The following ACVR1 variants were observed in gnomAD, a reference collection of about 807,000 sequenced individuals.
ACVR1 encodes the protein activin A receptor type 1.
ACVR1 carries 38 observed loss-of-function variants against 57.1 expected under a neutral mutation model. That is an observed-to-expected ratio of 0.67 (90% CI 0.51 to 0.87). ACVR1 has a LOEUF of 0.87. Ranked by LOEUF, ACVR1 falls within the 40% of genes least tolerant of loss-of-function variation. ACVR1 has a pLI of 0.00. For missense variants in ACVR1, 463 were observed against 638.2 expected (o/e 0.73, Z 2.96); for synonymous variants, 212 against 228.1 (o/e 0.93, Z 0.63).
Position 157,855,308 on chromosome 2 carries a change from G to GTATATATATA in ACVR1, c.-183+20478_-183+20487dup, listed in dbSNP as rs1200907209. 5.4e-4 allele frequency among the ~76,000 whole-genome samples: 28 copies of GTATATATATA among 51,656 alleles called. No individual in the cohort carries two copies. The South Asian group carries it at 8.7e-3, about 16-fold the overall frequency. 33.9% of individuals were successfully genotyped at this position (51,656 alleles called of 152,430 possible). ...TGTGTGTGTGTGTGTGTGTGTGTGT[G>GTATATATATA]TATATATATATATATACACACACAC... On this transcript the variant is annotated intron_variant, in intron 1 of 10. Transcript: ENST00000434821.
At chr2:157,770,701 C>T (rs143098669) in intron 6 of ACVR1, among the ~76,000 whole-genome samples, 187 bp from the exon 7 acceptor site, 118 of 152,132 alleles carry the variant, frequency 7.8e-4, no homozygotes, top group Non-Finnish European at 1.2e-3. Flanking sequence ...TAAAGACATA[C>T]AAAAATAAGG....
chr2:157,834,871 C>G (rs1688723735), intron 1 of ACVR1, among the ~76,000 whole-genome samples: 1 of 152,112 alleles, frequency 6.6e-6, no homozygotes, highest in Admixed American at 6.5e-5. Context: ...ATAAGAGAGA[C>G]CCCAGATAGC....
At position 157,831,112 on chromosome 2, in the gene ACVR1, G is replaced by GT. The variant is rs145135837; in HGVS notation, c.-182-12554dup. 4.4e-3 allele frequency among the ~76,000 whole-genome samples: 662 copies of GT among 152,168 alleles called. 6 individuals are homozygous for GT. Among genetic ancestry groups the GT allele is most frequent in the African/African-American group, 0.015 (631 of 41,498 alleles). The stretch of plus-strand genomic sequence containing the variant: ...ACACCTGGCCTTTACCTTCTTAAAG[G>GT]TTTTTCCCCACCCCACTACCCATTT... On this transcript the variant is annotated intron_variant, in intron 1 of 10. Transcript: ENST00000434821.
intron 9 of ACVR1, among the ~76,000 whole-genome samples, chr2:157,759,742 T>G (rs750962568): frequency 6.1e-4 from 92 of 151,976 alleles, no homozygotes; most frequent in Non-Finnish European, 1.2e-3. Flanking sequence ...AGATAACACA[T>G]CATGATTAAG....
In ACVR1 at chr2:157,738,458, G is replaced by A. The variant is rs754871846; in HGVS notation, c.1377C>T (p.Asn459=). ...CVDQQRPNIP[N]RWFSDPTLTS... ...TTCTTACCGGGTCTGAGAACCATCT[G>A]TTGGGTATGTTTGGCCTTTGTTGAT... The change falls in exon 10 of 11, where the codon AAC becomes AAT. Residue 459 remains asparagine (N), a synonymous_variant. Coordinates refer to ENST00000434821, the MANE Select transcript of ACVR1 (RefSeq NM_001111067.4). The A allele has an allele frequency of 1.2e-6, 2 of 1,614,034 alleles. No homozygotes were observed. Among genetic ancestry groups the A allele is most frequent in the East Asian group, 2.2e-5 (1 of 44,880 alleles).
chr2:157,814,971 C>T (rs1687881132), intron 2 of ACVR1, among the ~76,000 whole-genome samples: 1 of 152,060 alleles, frequency 6.6e-6, no homozygotes. Context: ...TGTAGGTAGT[C>T]CCAGCTAATT....
At chr2:157,836,521 G>A (rs1688788031) in intron 1 of ACVR1, among the ~76,000 whole-genome samples, 1 of 152,206 alleles carries the variant, frequency 6.6e-6, no homozygotes, top group Non-Finnish European at 1.5e-5. Flanking sequence ...ATTTCAGGAA[G>A]GAAACCAGGA....
At chr2:157,852,648 AAT>A (rs1234950223) in intron 1 of ACVR1, among the ~76,000 whole-genome samples, 1 of 152,248 alleles carries the variant, frequency 6.6e-6, no homozygotes, top group East Asian at 1.9e-4. Context: ...TATTATTTTA[AAT>A]AGTTATTCAA....
At chr2:157,794,934 T>C (rs1434646146) in intron 3 of ACVR1, among the ~76,000 whole-genome samples, 2 of 151,606 alleles carry the variant, frequency 1.3e-5, no homozygotes, top group African/African-American at 4.8e-5. Context: ...ATGTTACCAC[T>C]ATTTCTAATC....
intron 1 of ACVR1, among the ~76,000 whole-genome samples, chr2:157,868,251 G>A (rs150923342): frequency 3.2e-4 from 49 of 152,098 alleles, no homozygotes; most frequent in African/African-American, 7.2e-4. Context: ...CTGGGAGGCC[G>A]AGGTGGGTGA....
At chr2:157,832,870 T>G (rs1193795299) in intron 1 of ACVR1, among the ~76,000 whole-genome samples, 3 of 152,198 alleles carry the variant, frequency 2.0e-5, no homozygotes, top group South Asian at 2.1e-4. Context: ...TTTGTGATAT[T>G]GCAACTCTTA....
At chr2:157,802,490 C>T (rs1687359989) in intron 2 of ACVR1, among the ~76,000 whole-genome samples, 1 of 152,100 alleles carries the variant, frequency 6.6e-6, no homozygotes, top group Non-Finnish European at 1.5e-5. Flanking sequence ...TGGCTCTCAC[C>T]ATCATTCCAT....
intron 9 of ACVR1, among the ~76,000 whole-genome samples, chr2:157,740,040 C>T (rs561241214): frequency 1.3e-5 from 2 of 151,922 alleles, no homozygotes; most frequent in African/African-American, 2.4e-5. Context: ...AAAAATTAGC[C>T]GGGTGTGTTG....
intron 3 of ACVR1, among the ~76,000 whole-genome samples, chr2:157,788,969 GC>G: frequency 6.6e-6 from 1 of 152,260 alleles, no homozygotes; most frequent in Non-Finnish European, 1.5e-5. Context: ...ATGTGCCTGT[GC>G]CTCTGTATCC....
chr2:157,757,873 A>AACAC (rs571262821), intron 9 of ACVR1, among the ~76,000 whole-genome samples: 1 of 150,646 alleles, frequency 6.6e-6, no homozygotes, highest in African/African-American at 2.4e-5. Flanking sequence ...AAAATATACA[A>AACAC]ACACACACAC....
At chr2:157,813,053 G>C (rs182910952) in intron 2 of ACVR1, among the ~76,000 whole-genome samples, 16 of 152,136 alleles carry the variant, frequency 1.1e-4, no homozygotes, top group African/African-American at 3.9e-4. Flanking sequence ...AAAATAATAG[G>C]TTTTCTTCAT....
chr2:157,809,815 T>C (rs978458120), intron 2 of ACVR1, among the ~76,000 whole-genome samples: 2 of 152,076 alleles, frequency 1.3e-5, no homozygotes, highest in Non-Finnish European at 2.9e-5. Flanking sequence ...TGGTTCATGC[T>C]TGTAATCCCA....
intron 1 of ACVR1, among the ~76,000 whole-genome samples, chr2:157,820,125 C>A (rs1382025595): frequency 1.3e-5 from 2 of 152,150 alleles, no homozygotes; most frequent in African/African-American, 4.8e-5. Context: ...GGCTCACAAT[C>A]TATTTGAAAA....
intron 8 of ACVR1, among the ~76,000 whole-genome samples, chr2:157,763,677 A>T (rs999365460): frequency 1.3e-5 from 2 of 152,204 alleles, no homozygotes; most frequent in African/African-American, 4.8e-5. Flanking sequence ...ACCTATGATC[A>T]GCCTGGGCAA....
Sources: allele counts gnomAD v4.1 joint callset (sites outside exome capture counted in the v4.1 genomes callset), GRCh38; gene constraint gnomAD v4.1.1; transcripts MANE v1.5; gene names NCBI Gene and HGNC (gene_info 2026-07-23, HGNC 2026-07-21).